Variants in CSNK1G1 observed in about 807,000 individuals in gnomAD.
CSNK1G1 encodes casein kinase I isoform gamma-1.
CSNK1G1 carries 22 observed loss-of-function variants against 59.6 expected under a neutral mutation model. The observed-to-expected ratio is 0.37, with a 90% CI of 0.26 to 0.53. The LOEUF is 0.53. CSNK1G1 is among the 20% of genes least tolerant of loss of function. The pLI is 0.89. For missense variants in CSNK1G1, 384 were observed against 519.5 expected (o/e 0.74, Z 2.54); for synonymous variants, 179 against 177.1 (o/e 1.01, Z -0.08).
At position 64,288,606 on chromosome 15, in the gene CSNK1G1, A is replaced by G. The variant is rs573328292; in HGVS notation, c.181+11713T>C. 4.6e-5 allele frequency among the ~76,000 whole-genome samples: 7 copies of G among 151,830 alleles called. No individual in the cohort carries two copies. In the South Asian group the frequency reaches 1.5e-3, roughly 31 times the overall value. On this transcript the variant is annotated intron_variant, in intron 2 of 11. Coordinates refer to ENST00000303052, the MANE Select transcript of CSNK1G1 (RefSeq NM_022048.5). ...TGTTTGTGTGCATGTGTATATATAT[A>G]TATTTCCTCTTGTCCTAGTAACCCC...
intron 2 of CSNK1G1, among the ~76,000 whole-genome samples, chr15:64,272,651 T>C (rs1276224660): frequency 6.6e-6 from 1 of 152,182 alleles, no homozygotes; most frequent in South Asian, 2.1e-4. Flanking sequence ...TACTTTATAG[T>C]TTCACTAGTT....
At chr15:64,273,228 AATGTACAG>A (rs1225435505) in intron 2 of CSNK1G1, among the ~76,000 whole-genome samples, 1 of 152,178 alleles carries the variant, frequency 6.6e-6, no homozygotes, top group African/African-American at 2.4e-5. Context: ...TTTATTATAT[AATGTACAG>A]ATGTATTGAA....
intron 4 of CSNK1G1, among the ~76,000 whole-genome samples, chr15:64,219,366 G>A (rs1274451344): frequency 6.6e-6 from 1 of 152,176 alleles, no homozygotes. Flanking sequence ...AGGATTTAAT[G>A]CCACTAAAAT....
In CSNK1G1 at chr15:64,170,293, A is replaced by C. The variant is rs1325393370; in HGVS notation, c.*1638T>G. On this transcript the variant is annotated 3_prime_UTR_variant, in exon 12 of 12. Transcript: ENST00000303052. The stretch of plus-strand genomic sequence containing the variant: ...CCTCATATGAAAACACCATGGGGGG[A>C]GGCCTAGGGCATACTGGGAAAAACA... The C allele has an allele frequency of 6.6e-6, 1 of 152,188 alleles. No individual in the cohort carries two copies. The highest frequency in any genetic ancestry group is 2.4e-5 in the African/African-American group (1 of 41,432). 9.4% of individuals were successfully genotyped at this position (152,188 alleles called of 1,614,324 possible). A position where few individuals can be genotyped will look rare whatever the true frequency, so the allele number is the denominator to read the frequency against.
In CSNK1G1 at chr15:64,204,633, T is replaced by C. The variant is rs369618768; in HGVS notation, c.851-44A>G. 6.5e-5 allele frequency: 103 copies of C among 1,595,696 alleles called. No individual in the cohort carries two copies. The African/African-American group carries it at 1.3e-3, about 20-fold the overall frequency. ...AAGGCCCTGCTCATTAGCTGAATGC[T>C]TTCCATAGCAGTTGTGGGGAAGCAT... On this transcript the variant is annotated intron_variant, in intron 8 of 11. Coordinates refer to ENST00000303052, the MANE Select transcript of CSNK1G1 (RefSeq NM_022048.5).
chr15:64,318,544 C>T (rs1896391618), intron 1 of CSNK1G1, among the ~76,000 whole-genome samples: 1 of 149,868 alleles, frequency 6.7e-6, no homozygotes, highest in East Asian at 2.0e-4. Flanking sequence ...GTATTTCTTT[C>T]TTTCTTTCTT....
At chr15:64,175,494 C>T (rs1181278743) in intron 11 of CSNK1G1, among the ~76,000 whole-genome samples, 1 of 152,162 alleles carries the variant, frequency 6.6e-6, no homozygotes, top group East Asian at 1.9e-4. Context: ...TGTCTTGTAG[C>T]AAGAATGTTC....
intron 6 of CSNK1G1, among the ~76,000 whole-genome samples, chr15:64,212,824 G>A (rs1443225302): frequency 6.6e-6 from 1 of 152,066 alleles, no homozygotes; most frequent in East Asian, 1.9e-4. Flanking sequence ...TGGCCAACAT[G>A]GTGAAATCCC....
intron 1 of CSNK1G1, among the ~76,000 whole-genome samples, chr15:64,310,444 G>A (rs1000862059): frequency 2.6e-5 from 4 of 151,812 alleles, no homozygotes; most frequent in East Asian, 1.9e-4. Flanking sequence ...GCCTGGGCAC[G>A]GTGGCTCATA....
At chr15:64,355,181 C>T (rs1898578038) in intron 1 of CSNK1G1, among the ~76,000 whole-genome samples, 1 of 152,112 alleles carries the variant, frequency 6.6e-6, no homozygotes, top group African/African-American at 2.4e-5. Flanking sequence ...TAAATAAACA[C>T]GTACATCTAC....
intron 4 of CSNK1G1, among the ~76,000 whole-genome samples, chr15:64,218,232 T>C (rs72756940): frequency 0.044 from 6,728 of 152,128 alleles, 196 homozygotes; most frequent in South Asian, 0.085. Flanking sequence ...AATACAGGCA[T>C]GAGCTACTGT....
At chr15:64,213,226 G>C (rs980072281) in intron 6 of CSNK1G1, among the ~76,000 whole-genome samples, 4 of 151,846 alleles carry the variant, frequency 2.6e-5, no homozygotes, top group African/African-American at 9.7e-5. Context: ...CATAAAAAAG[G>C]GAGGCTTTTT....
intron 1 of CSNK1G1, among the ~76,000 whole-genome samples, chr15:64,333,689 A>G (rs1355808262): frequency 1.3e-5 from 2 of 152,154 alleles, no homozygotes; most frequent in Non-Finnish European, 2.9e-5. Flanking sequence ...GCTGTCTTCA[A>G]GAGGCTCACC....
At position 64,166,935 on chromosome 15, in the gene CSNK1G1, G is replaced by T. The variant is rs892212498; in HGVS notation, c.*4996C>A. Reference sequence around the variant, plus strand: ...ATAAAAGAAATTCTGTCTACAGAACGGAGGTTTCTTTGTAACATCAGGTTT... The same window carrying T: ...ATAAAAGAAATTCTGTCTACAGAACTGAGGTTTCTTTGTAACATCAGGTTT... On this transcript the variant is annotated 3_prime_UTR_variant, in exon 12 of 12. Transcript: ENST00000303052. This position sits in a 1 kb window ranked among gnomAD's most constrained non-coding sequence, Gnocchi z 4.5. 6.6e-6 allele frequency: 1 copy of T among 152,362 alleles called. No individual in the cohort carries two copies. Among genetic ancestry groups the T allele is most frequent in the Non-Finnish European group, 1.5e-5 (1 of 68,042 alleles). The allele number at this position is 152,362 out of a possible 1,614,324, so 9.4% of individuals were successfully genotyped here.
At chr15:64,293,483 A>G (rs1311411439) in intron 2 of CSNK1G1, among the ~76,000 whole-genome samples, 2 of 152,226 alleles carry the variant, frequency 1.3e-5, no homozygotes, top group Admixed American at 6.5e-5. Flanking sequence ...AATAAGCACA[A>G]GGACACACAT....
chr15:64,182,233 GTTTGT>G (rs1038612885), intron 10 of CSNK1G1, among the ~76,000 whole-genome samples: 56 of 151,288 alleles, frequency 3.7e-4, no homozygotes, highest in African/African-American at 1.3e-3. Flanking sequence ...CTGGCTGTTT[GTTTGT>G]TTTGTTTTGT....
rs2081635475 is a variant in CSNK1G1, at chr15:64,169,104, A to AG, written c.*2826dup. 1 of 152,722 alleles carries AG rather than the reference A, an allele frequency of 6.5e-6. No individual in the cohort carries two copies. Among genetic ancestry groups the AG allele is most frequent in the African/African-American group, 2.4e-5 (1 of 41,456 alleles). 9.5% of individuals were successfully genotyped at this position (152,722 alleles called of 1,614,324 possible). On this transcript the variant is annotated 3_prime_UTR_variant, in exon 12 of 12. Transcript: ENST00000303052. Reference sequence around the variant, plus strand: ...CCAGCTGCAAGGCAGCTTGCCCTGCAGCCAAGCTGGTCAGTGCCTTTGCTT... The same window carrying AG: ...CCAGCTGCAAGGCAGCTTGCCCTGCAGGCCAAGCTGGTCAGTGCCTTTGCTT...
Position 64,216,745 on chromosome 15 carries a change from T to C in CSNK1G1, c.293-32A>G. On this transcript the variant is annotated intron_variant, in intron 4 of 11. Coordinates refer to ENST00000303052, the MANE Select transcript of CSNK1G1 (RefSeq NM_022048.5). The surrounding 1 kb of genome is among the most constrained non-coding windows in gnomAD (Gnocchi z 4.6). ...GCAGAGGGGAAATGGGGGTATACAG[T>C]GGGAGACACAAAAGCCAAAATATGA... 1 of 1,598,392 alleles carries C rather than the reference T, an allele frequency of 6.3e-7. No homozygotes were observed. Among genetic ancestry groups the C allele is most frequent in the Non-Finnish European group, 8.5e-7 (1 of 1,170,122 alleles).
chr15:64,293,528 C>T (rs1285339196), intron 2 of CSNK1G1, among the ~76,000 whole-genome samples: 2 of 152,200 alleles, frequency 1.3e-5, no homozygotes, highest in Non-Finnish European at 2.9e-5. Context: ...GGAGGGCAAA[C>T]TGACAATGTG....
Sources: gnomAD v4.1 joint callset for allele counts (sites outside exome capture counted in the v4.1 genomes callset) on GRCh38, gnomAD v4.1.1 for gene constraint, Gnocchi (gnomAD v3.1) non-coding constraint, MANE v1.5 for transcripts, NCBI Gene and HGNC (gene_info 2026-07-23, HGNC 2026-07-21) for gene names.